MGAT4C: variants seen among roughly 807,000 people sequenced by gnomAD.
MGAT4C encodes MGAT4 family member C.
Under a neutral mutation model 40.1 loss-of-function variants are expected in MGAT4C, and 19 were observed. The observed-to-expected ratio is 0.47, with a 90% CI of 0.33 to 0.70. The LOEUF (loss-of-function observed/expected upper bound fraction) is 0.70, where lower values mean the gene tolerates loss of function less well. MGAT4C is among the 30% of genes least tolerant of loss of function. MGAT4C has a pLI of 0.02. For missense variants in MGAT4C, 491 were observed against 563.2 expected (o/e 0.87, Z 1.30); for synonymous variants, 181 against 187.1 (o/e 0.97, Z 0.27).
intron 2 of MGAT4C, among the ~76,000 whole-genome samples, chr12:86,615,230 C>T (rs975124221): frequency 6.6e-5 from 10 of 151,802 alleles, no homozygotes; most frequent in African/African-American, 2.4e-4. Context: ...TGATATATCA[C>T]TCAAAAAAAT....
intron 3 of MGAT4C, among the ~76,000 whole-genome samples, chr12:86,388,394 G>T (rs61949480): frequency 6.6e-6 from 1 of 151,910 alleles, no homozygotes; most frequent in African/African-American, 2.4e-5. Flanking sequence ...ATTTTTTTAA[G>T]GTTGGAATGA....
chr12:86,370,718 A>G (rs535712318), intron 3 of MGAT4C, among the ~76,000 whole-genome samples: 97 of 152,132 alleles, frequency 6.4e-4, no homozygotes, highest in African/African-American at 2.1e-3. Context: ...TTGTTTTCCT[A>G]TTTGCCTTTT....
chr12:86,711,984 G>A (rs982958589), intron 2 of MGAT4C, among the ~76,000 whole-genome samples: 2 of 152,066 alleles, frequency 1.3e-5, no homozygotes, highest in Non-Finnish European at 2.9e-5. Context: ...ATTTTAAATG[G>A]AGAGGATTTC....
At chr12:86,790,425 A>C (rs975886732) in intron 1 of MGAT4C, among the ~76,000 whole-genome samples, 3 of 152,124 alleles carry the variant, frequency 2.0e-5, no homozygotes, top group Non-Finnish European at 4.4e-5. Flanking sequence ...TTCAAAAAAA[A>C]CTAGATTTAA....
chr12:86,360,730 T>C (rs1372075636), intron 3 of MGAT4C, among the ~76,000 whole-genome samples: 2 of 152,220 alleles, frequency 1.3e-5, no homozygotes, highest in African/African-American at 4.8e-5. Context: ...TAAACTCTCA[T>C]TCACAATTGC....
At chr12:86,102,338 C>A (rs1294689658) in intron 1 of MGAT4C, among the ~76,000 whole-genome samples, 1 of 151,790 alleles carries the variant, frequency 6.6e-6, no homozygotes, top group Non-Finnish European at 1.5e-5. Context: ...TTAAGTATTT[C>A]TTTTTACTTA....
rs913432892 is a variant in MGAT4C, at chr12:86,770,128, T to C, written c.-261-42887A>G. Among the ~76,000 whole-genome samples, 10 of 152,138 alleles carry C rather than the reference T, an allele frequency of 6.6e-5. 1 individual carries two copies. The highest frequency in any genetic ancestry group is 4.6e-4 in the Admixed American group (7 of 15,254). The stretch of plus-strand genomic sequence containing the variant: ...GATCTGATGAGGATGATTTAGCCTA[T>C]ATTCAGAAACAGAGACTATTTTTTT... On this transcript the variant is annotated intron_variant, in intron 1 of 7. Coordinates refer to the MGAT4C transcript ENST00000548651.
At position 86,717,369 on chromosome 12, in the gene MGAT4C, C is replaced by G. The variant is rs145596684; in HGVS notation, c.-229+9840G>C. 6.3e-3 allele frequency among the ~76,000 whole-genome samples: 959 copies of G among 152,124 alleles called. 6 individuals carry two copies. Among genetic ancestry groups the G allele is most frequent in the Non-Finnish European group, 8.8e-3 (601 of 67,968 alleles). On this transcript the variant is annotated intron_variant, in intron 2 of 7. Coordinates refer to the MGAT4C transcript ENST00000548651. ...AGAAAGCAAGAATTTTGTATTAAAA[C>G]TTAGTTTTCCCTCACCTTTAGTCCT...
chr12:86,698,061 G>T (rs150581862), intron 2 of MGAT4C, among the ~76,000 whole-genome samples: 131 of 151,966 alleles, frequency 8.6e-4, no homozygotes, highest in African/African-American at 2.9e-3. Flanking sequence ...GAAAAATATG[G>T]TTTTATAAAC....
chr12:86,512,157 T>C (rs1410182936), intron 2 of MGAT4C, among the ~76,000 whole-genome samples: 2 of 151,938 alleles, frequency 1.3e-5, no homozygotes, highest in Non-Finnish European at 2.9e-5. Context: ...GTCAAATAGG[T>C]ATATAAAAAG....
rs758890049 is a variant in MGAT4C at position 85,979,686 on chromosome 12, G to T, written c.1040C>A (p.Thr347Asn). ...ATAATTTTCAAACACATTCATGTTGGTGTACAGACTTGCAGGGGGGTTATC... is the reference window on the plus strand; with the variant it reads ...ATAATTTTCAAACACATTCATGTTGTTGTACAGACTTGCAGGGGGGTTATC... ...IPDNPPASLY[T>N]NMNVFENYEA... The change falls in exon 5 of 5, where the codon ACC becomes AAC. Residue 347 changes from threonine (T) to asparagine (N), a missense_variant. Transcript: ENST00000611864. The T allele has an allele frequency of 6.2e-7, 1 of 1,613,312 alleles. No individual in the cohort carries two copies. The highest frequency in any genetic ancestry group is 8.5e-7 in the Non-Finnish European group (1 of 1,179,776).
At chr12:86,667,417 G>C (rs1964138787) in intron 2 of MGAT4C, among the ~76,000 whole-genome samples, 1 of 152,134 alleles carries the variant, frequency 6.6e-6, no homozygotes, top group Non-Finnish European at 1.5e-5. Flanking sequence ...TACAGACCTA[G>C]ATGGAAAATC....
At chr12:86,699,362 GA>G (rs1169604923) in intron 2 of MGAT4C, among the ~76,000 whole-genome samples, 3 of 152,042 alleles carry the variant, frequency 2.0e-5, no homozygotes, top group African/African-American at 7.2e-5. Flanking sequence ...CTTTGAAGAA[GA>G]AAAAATATAC....
chr12:86,596,306 T>C (rs1961536164), intron 2 of MGAT4C, among the ~76,000 whole-genome samples: 1 of 152,214 alleles, frequency 6.6e-6, no homozygotes, highest in South Asian at 2.1e-4. Context: ...AAGCCTCATC[T>C]TCAGACCCAG....
intron 3 of MGAT4C, among the ~76,000 whole-genome samples, chr12:86,389,717 A>G (rs1956131170): frequency 6.6e-6 from 1 of 152,228 alleles, no homozygotes; most frequent in South Asian, 2.1e-4. Context: ...GGGTGTAAGT[A>G]TCAAATTATT....
chr12:86,627,480 C>A (rs1962855086), intron 2 of MGAT4C, among the ~76,000 whole-genome samples: 1 of 36,868 alleles, frequency 2.7e-5, no homozygotes, highest in Non-Finnish European at 5.1e-5. Flanking sequence ...GGCTGACTGA[C>A]ACTTCATACA....
intron 2 of MGAT4C, among the ~76,000 whole-genome samples, chr12:86,546,556 TA>T (rs1959193869): frequency 6.6e-6 from 1 of 152,004 alleles, no homozygotes; most frequent in Non-Finnish European, 1.5e-5. Flanking sequence ...AGGCATCAAG[TA>T]AAACTAAACT....
intron 1 of MGAT4C, among the ~76,000 whole-genome samples, chr12:86,056,392 A>G (rs1343305730): frequency 6.6e-6 from 1 of 151,408 alleles, no homozygotes; most frequent in Non-Finnish European, 1.5e-5. Flanking sequence ...CCACTCCTCC[A>G]CCCCCTTAAG....
chr12:86,416,627 T>C (rs1424586107), intron 3 of MGAT4C, among the ~76,000 whole-genome samples: 1 of 151,988 alleles, frequency 6.6e-6, no homozygotes, highest in East Asian at 1.9e-4. Context: ...AACAAAGAAG[T>C]AGGAGTATCA....
Sources: gnomAD v4.1 joint callset for allele counts (sites outside exome capture counted in the v4.1 genomes callset) on GRCh38, gnomAD v4.1.1 for gene constraint, MANE v1.5 for transcripts, NCBI Gene and HGNC (gene_info 2026-07-23, HGNC 2026-07-21) for gene names.